IMP4: variants seen among roughly 807,000 people sequenced by gnomAD.
IMP4 encodes U3 small nucleolar ribonucleoprotein IMP4.
Under a neutral mutation model 42.7 loss-of-function variants are expected in IMP4, and 30 were observed. That is an observed-to-expected ratio of 0.70 (90% CI 0.53 to 0.95). IMP4 has a LOEUF of 0.95. Ranked by LOEUF, IMP4 falls within the 40% of genes least tolerant of loss-of-function variation. The pLI, the probability that IMP4 is intolerant of heterozygous loss-of-function variation, is 0.00. For synonymous variants in IMP4, 165 were observed against 165.2 expected (o/e 1.00, Z 0.01); for missense variants, 382 against 411.4 (o/e 0.93, Z 0.62).
rs1309479355 is a variant in IMP4, at chr2:130,346,742, C to CAG, written c.*284_*285dup. 1.7e-5 allele frequency: 9 copies of CAG among 523,270 alleles called. No homozygotes were observed. The highest frequency in any genetic ancestry group is 6.7e-5 in the East Asian group (2 of 29,712). The allele number at this position is 523,270 out of a possible 1,614,324, so 32.4% of individuals were successfully genotyped here. The stretch of plus-strand genomic sequence containing the variant: ...GGCCTGGAGTCAGTGTGGGGGTTAA[C>CAG]AGAGAGAGAGATTTGATGCTAACGT... On this transcript the variant is annotated 3_prime_UTR_variant, in exon 9 of 9. Coordinates refer to ENST00000259239, the MANE Select transcript of IMP4 (RefSeq NM_033416.3).
chr2:130,345,536 G>A lies in IMP4; in HGVS notation c.307-31G>A. 1.2e-6 allele frequency: 2 copies of A among 1,614,148 alleles called. No individual in the cohort carries two copies. Among genetic ancestry groups the A allele is most frequent in the Admixed American group, 1.7e-5 (1 of 60,014 alleles). ...GAGACACCCAGGACACACAGCCCCA[G>A]TCCTGACTGTACACTGCCATCCACG... On this transcript the variant is annotated intron_variant, in intron 4 of 8. Coordinates refer to ENST00000259239, the MANE Select transcript of IMP4 (RefSeq NM_033416.3). The surrounding 1 kb of genome is among the most constrained non-coding windows in gnomAD (Gnocchi z 4.9).
At position 130,346,944 on chromosome 2, in the gene IMP4, T is replaced by A. The variant is rs1017695703; in HGVS notation, c.*476T>A. 3 of 176,430 alleles carry A rather than the reference T, an allele frequency of 1.7e-5. No homozygotes were observed. Among genetic ancestry groups the A allele is most frequent in the African/African-American group, 7.1e-5 (3 of 42,388 alleles). The allele number at this position is 176,430 out of a possible 1,614,324, so 10.9% of individuals were successfully genotyped here. ...CAGCTGATTCCTCATGTAAGTGGCA[T>A]CATGTGGTATTTGTTTTGTGTCTGG... On this transcript the variant is annotated 3_prime_UTR_variant, in exon 9 of 9. Coordinates refer to ENST00000259239, the MANE Select transcript of IMP4 (RefSeq NM_033416.3).
At chr2:130,344,493 C>T in intron 2 of IMP4, 136 bp from the exon 3 acceptor site, 1 of 671,094 alleles carries the variant, frequency 1.5e-6, no homozygotes, top group Non-Finnish European at 2.7e-6. Context: ...CACCTCTATC[C>T]ATGCTTTATC....
chr2:130,345,707 CGGAG>C lies in IMP4; in HGVS notation c.439+17_439+20del. 2 of 1,613,086 alleles carry C rather than the reference CGGAG, an allele frequency of 1.2e-6. No homozygotes were observed. Among genetic ancestry groups the C allele is most frequent in the Non-Finnish European group, 8.5e-7 (1 of 1,179,940 alleles). ...AGCATCGGGGCACACCTGGTAAGGC[CGGAG>C]GGAGGGAGTCGGGGTGGGAGCCGTC... is the stretch of plus-strand genomic sequence containing the variant. On this transcript the variant is annotated intron_variant, in intron 5 of 8. Coordinates refer to ENST00000259239, the MANE Select transcript of IMP4 (RefSeq NM_033416.3). This position sits in a 1 kb window ranked among gnomAD's most constrained non-coding sequence, Gnocchi z 4.9.
Position 130,345,031 on chromosome 2 carries a change from G to C in IMP4, c.196+319G>C. The C allele has an allele frequency of 1.8e-6, 1 of 553,494 alleles. No individual in the cohort carries two copies. The highest frequency in any genetic ancestry group is 3.0e-5 in the East Asian group (1 of 33,030). The allele number at this position is 553,494 out of a possible 1,614,324, so 34.3% of individuals were successfully genotyped here. On this transcript the variant is annotated intron_variant, in intron 3 of 8. Coordinates refer to ENST00000259239, the MANE Select transcript of IMP4 (RefSeq NM_033416.3). This position sits in a 1 kb window ranked among gnomAD's most constrained non-coding sequence, Gnocchi z 4.9. ...ATTCACTGCATTATTCAAGAAACAA[G>C]AAAGGAATCCCAAACATTATAGATA...
rs376755153 is a variant in IMP4 at position 130,345,991 on chromosome 2, G to C, written c.595-27G>C. On this transcript the variant is annotated intron_variant, in intron 6 of 8. Coordinates refer to ENST00000259239, the MANE Select transcript of IMP4 (RefSeq NM_033416.3). The surrounding 1 kb of genome is among the most constrained non-coding windows in gnomAD (Gnocchi z 4.9). ...GGCCAGGCCAGGCATTTGCCACTCT[G>C]TTTCCCTCTCTTTCCTTGTGCCCCA... The C allele has an allele frequency of 6.2e-7, 1 of 1,614,072 alleles. No individual in the cohort carries two copies. Among genetic ancestry groups the C allele is most frequent in the African/African-American group, 1.3e-5 (1 of 74,936 alleles).
Position 130,345,909 on chromosome 2 carries a change from C to G in IMP4, c.570C>G (p.Gly190=). Residue 190 remains glycine (G), a synonymous_variant, in exon 6 of 9, where the codon GGC becomes GGG. Coordinates refer to ENST00000259239, the MANE Select transcript of IMP4 (RefSeq NM_033416.3). This position sits in a 1 kb window ranked among gnomAD's most constrained non-coding sequence, Gnocchi z 4.9. The part of the protein sequence containing the change: ...SEAKPHLITH[G]FSSRLGKRVS... The stretch of plus-strand genomic sequence containing the variant: ...CCAAGCCCCACCTCATCACACACGG[C>G]TTCTCCTCCCGCCTGGGCAAGCGGG... 2 of 1,614,208 alleles carry G rather than the reference C, an allele frequency of 1.2e-6. No individual in the cohort carries two copies. The highest frequency in any genetic ancestry group is 1.7e-6 in the Non-Finnish European group (2 of 1,180,034).
intron 3 of IMP4, 39 bp downstream of exon 3, chr2:130,344,751 C>T: frequency 1.5e-6 from 2 of 1,376,602 alleles, no homozygotes; most frequent in African/African-American, 1.4e-5. Flanking sequence ...ACTGAGCTGG[C>T]AGGTCTCCAG....
chr2:130,345,279 C>T lies in IMP4; in HGVS notation c.197-97C>T. ...TGTGGAGCATTCCTATTGTTGAAGG[C>T]TTCGGCAGACAGCGACATCCAGGCG... On this transcript the variant is annotated intron_variant, in intron 3 of 8. Transcript: ENST00000259239. The surrounding 1 kb of genome is among the most constrained non-coding windows in gnomAD (Gnocchi z 4.9). 1 of 896,340 alleles carries T rather than the reference C, an allele frequency of 1.1e-6. No homozygotes were observed. The highest frequency in any genetic ancestry group is 1.8e-6 in the Non-Finnish European group (1 of 555,692). 55.5% of individuals were successfully genotyped at this position (896,340 alleles called of 1,614,324 possible).
In IMP4 at chr2:130,346,441, C is replaced by A; in HGVS notation, c.849C>A (p.Arg283=). Residue 283 remains arginine, a synonymous_variant, in exon 9 of 9, where the codon CGC becomes CGA. Coordinates refer to ENST00000259239, the MANE Select transcript of IMP4 (RefSeq NM_033416.3). The part of the protein sequence containing the change: ...WRWHPYTNTA[R]KRVFLSTE The stretch of plus-strand genomic sequence containing the variant: ...GGCACCCTTACACCAATACCGCACG[C>A]AAGAGAGTCTTCCTGAGCACCGAGT... The A allele has an allele frequency of 1.3e-6, 2 of 1,564,268 alleles. No homozygotes were observed. The highest frequency in any genetic ancestry group is 1.7e-6 in the Non-Finnish European group (2 of 1,153,612).
intron 3 of IMP4, 116 bp downstream of exon 3, chr2:130,344,828 C>T: frequency 1.3e-6 from 1 of 742,106 alleles, no homozygotes; most frequent in Non-Finnish European, 2.4e-6. Context: ...TCCCCCATGC[C>T]CTTGTCACTG....
In IMP4 at chr2:130,346,803, A is replaced by T; in HGVS notation, c.*335A>T. On this transcript the variant is annotated 3_prime_UTR_variant, in exon 9 of 9. Coordinates refer to ENST00000259239, the MANE Select transcript of IMP4 (RefSeq NM_033416.3). ...GTGAGGGTCATATGAGCTCTTCAGC[A>T]GGCAGATGTGGGTAGCAGGGCCAGC... is the stretch of plus-strand genomic sequence containing the variant. 2 of 357,970 alleles carry T rather than the reference A, an allele frequency of 5.6e-6. No homozygotes were observed. The highest frequency in any genetic ancestry group is 5.5e-5 in the South Asian group (2 of 36,264). 22.2% of individuals were successfully genotyped at this position (357,970 alleles called of 1,614,324 possible). A position where few individuals can be genotyped will look rare whatever the true frequency, so the allele number is the denominator to read the frequency against.
chr2:130,343,143 G>A lies in IMP4; in HGVS notation c.61G>A (p.Ala21Thr), dbSNP rs1199279466. ...CCTGTACCGCAAGGCCCGGGAGGAG[G>A]CGCAGCGCTCAGCCCAGGAGAGGAA... ...EYLYRKAREE[A>T]QRSAQERKER... The change falls in exon 2 of 9, where the codon GCG becomes ACG. Residue 21 changes from alanine to threonine, a missense_variant. Physicochemically the swap from Ala to Thr is moderately conservative, Grantham distance 58. Transcript: ENST00000259239. The A allele has an allele frequency of 1.9e-6, 3 of 1,551,174 alleles. No individual in the cohort carries two copies. Among genetic ancestry groups the A allele is most frequent in the South Asian group, 1.2e-5 (1 of 85,210 alleles).
intron 3 of IMP4, chr2:130,344,921 A>C (rs112555726): frequency 3.4e-6 from 2 of 593,444 alleles, no homozygotes; most frequent in South Asian, 2.0e-5. Flanking sequence ...CTGACTCTGC[A>C]CCTGGCTTGT....
intron 2 of IMP4, 23 bp downstream of exon 2, chr2:130,343,217 G>C (rs1679178460): frequency 6.8e-7 from 1 of 1,478,904 alleles, no homozygotes; most frequent in South Asian, 1.2e-5. Context: ...CCCCGCGGGC[G>C]TCTGCGTGGT....
At chr2:130,344,271 T>C (rs1296353571) in intron 2 of IMP4, among the ~76,000 whole-genome samples, 2 of 151,348 alleles carry the variant, frequency 1.3e-5, no homozygotes, top group African/African-American at 4.9e-5. Flanking sequence ...GAGCTTGCAG[T>C]GAGCCGAGAT....
Position 130,343,102 on chromosome 2 carries a change from G to C in IMP4, c.20G>C (p.Arg7Pro). 1 of 1,556,706 alleles carries C rather than the reference G, an allele frequency of 6.4e-7. No homozygotes were observed. Among genetic ancestry groups the C allele is most frequent in the Non-Finnish European group, 8.7e-7 (1 of 1,148,854 alleles). ...TTCCCACAGCTGCGCCGCGAGGCCC[G>C]CCTGCGCCGCGAGTACCTGTACCGC... MLRREA[R>P]LRREYLYRKA... is the part of the protein sequence containing the mutation. The change falls in exon 2 of 9, where the codon CGC becomes CCC. Residue 7 changes from arginine to proline, a missense_variant. Physicochemically the swap from Arg to Pro is moderately radical, Grantham distance 103 (BLOSUM62 -2). Transcript: ENST00000259239.
In IMP4 at chr2:130,347,145, A is replaced by G. The variant is rs1679640267; in HGVS notation, c.*677A>G. 6.6e-6 allele frequency: 1 copy of G among 152,050 alleles called. No homozygotes were observed. The highest frequency in any genetic ancestry group is 1.5e-5 in the Non-Finnish European group (1 of 68,552). The allele number at this position is 152,050 out of a possible 1,614,324, so 9.4% of individuals were successfully genotyped here. On this transcript the variant is annotated 3_prime_UTR_variant, in exon 9 of 9. Coordinates refer to ENST00000259239, the MANE Select transcript of IMP4 (RefSeq NM_033416.3). ...GAAATGCTGCAGTAAACATGGGAGT[A>G]TAGCTATCTTTTGAAGATAATGATT... is the stretch of plus-strand genomic sequence containing the variant.
rs1482252418 is a variant in IMP4 at position 130,346,210 on chromosome 2, G to A, written c.699G>A (p.Val233=). ...AGCTGTTCCCTCCCAGGCACCATGTGTATAAGAAGACAGACCACCGCAACG... is the reference window on the plus strand; with the variant it reads ...AGCTGTTCCCTCCCAGGCACCATGTATATAAGAAGACAGACCACCGCAACG... ...QDDYISFRHH[V]YKKTDHRNVE... is the part of the protein sequence containing the mutation. Residue 233 remains valine, a synonymous_variant, in exon 8 of 9, where the codon GTG becomes GTA. Coordinates refer to ENST00000259239, the MANE Select transcript of IMP4 (RefSeq NM_033416.3). 6.2e-7 allele frequency: 1 copy of A among 1,614,072 alleles called. No homozygotes were observed.
Sources: gnomAD v4.1 joint callset for allele counts (sites outside exome capture counted in the v4.1 genomes callset) on GRCh38, gnomAD v4.1.1 for gene constraint, Gnocchi (gnomAD v3.1) non-coding constraint, MANE v1.5 for transcripts, NCBI Gene and HGNC (gene_info 2026-07-23, HGNC 2026-07-21) for gene names.